Variants in FGF14 observed in about 807,000 individuals in gnomAD.
FGF14 encodes fibroblast growth factor homologous factor 4.
In FGF14, 5 loss-of-function variants were observed where a neutral mutation model predicts 25.5. The observed-to-expected ratio is 0.20, with a 90% CI of 0.10 to 0.41. The LOEUF is 0.41. Among genes scored for constraint, FGF14 ranks in the 10% least tolerant of loss-of-function variants. The probability of loss-of-function intolerance (pLI) is 1.00; values close to 1 mark genes in which losing one functional copy is unlikely to be tolerated. For synonymous variants in FGF14, 138 were observed against 118.3 expected (o/e 1.17, Z -1.08); for missense variants, 222 against 320.1 (o/e 0.69, Z 2.34).
intron 3 of FGF14, among the ~76,000 whole-genome samples, chr13:101,811,128 T>C (rs2041488427): frequency 6.8e-6 from 1 of 146,358 alleles, no homozygotes; most frequent in East Asian, 2.1e-4. Flanking sequence ...TCAGCCAAAG[T>C]CTATCCCTTA....
At chr13:102,379,450 GTA>G (rs547765941) in intron 1 of FGF14, among the ~76,000 whole-genome samples, 295 of 149,122 alleles carry the variant, frequency 2.0e-3, no homozygotes, top group African/African-American at 6.6e-3. Flanking sequence ...ATATGTGTAT[GTA>G]TATATATATA....
At chr13:102,228,505 T>C (rs9557840) in intron 1 of FGF14, among the ~76,000 whole-genome samples, 7,121 of 152,256 alleles carry the variant, frequency 0.047, 285 homozygotes, top group East Asian at 0.22. Flanking sequence ...TTCCTTGAGA[T>C]TGAAAACAAT....
chr13:102,159,951 G>A (rs2047546325), intron 1 of FGF14, among the ~76,000 whole-genome samples: 2 of 152,146 alleles, frequency 1.3e-5, no homozygotes, highest in African/African-American at 4.8e-5. Context: ...AATATGCTAT[G>A]TCAAATCCTT....
At chr13:102,185,763 A>G (rs573570586) in intron 1 of FGF14, among the ~76,000 whole-genome samples, 2 of 152,302 alleles carry the variant, frequency 1.3e-5, no homozygotes, top group Admixed American at 1.3e-4. Flanking sequence ...TATGATTGGC[A>G]CAATTCACTC....
chr13:102,207,819 G>A (rs1169485534), intron 1 of FGF14, among the ~76,000 whole-genome samples: 1 of 151,984 alleles, frequency 6.6e-6, no homozygotes, highest in Non-Finnish European at 1.5e-5. Flanking sequence ...AAGGTTAAAT[G>A]ATCTGTTCAT....
Position 102,379,061 on chromosome 13 carries a change from G to A in FGF14, c.208+22410C>T, listed in dbSNP as rs1282236865. Reference sequence around the variant, plus strand: ...AGATTGAGCTTTTTCATTCATTCTGGAGGACACTGTCTATTAAAGGGAAAT... The same window carrying A: ...AGATTGAGCTTTTTCATTCATTCTGAAGGACACTGTCTATTAAAGGGAAAT... On this transcript the variant is annotated intron_variant, in intron 1 of 4. Coordinates refer to the FGF14 transcript ENST00000376131. 2.0e-5 allele frequency among the ~76,000 whole-genome samples: 3 copies of A among 152,202 alleles called. No homozygotes were observed. The South Asian group carries it at 6.2e-4, about 32-fold the overall frequency.
intron 1 of FGF14, among the ~76,000 whole-genome samples, chr13:102,027,556 A>G (rs1421948221): frequency 7.2e-5 from 11 of 152,118 alleles, no homozygotes; most frequent in Non-Finnish European, 1.3e-4. Flanking sequence ...CTTATTCCAC[A>G]CATAAAAGAA....
At chr13:101,893,204 T>C (rs573696726) in intron 1 of FGF14, among the ~76,000 whole-genome samples, 1 of 152,306 alleles carries the variant, frequency 6.6e-6, no homozygotes, top group African/African-American at 2.4e-5. Context: ...AGTCTCTGCA[T>C]CTTTTCAAAT....
chr13:101,910,657 G>A (rs2139070862), intron 1 of FGF14, among the ~76,000 whole-genome samples: 1 of 152,176 alleles, frequency 6.6e-6, no homozygotes, highest in South Asian at 2.1e-4. Context: ...ATGCCTACTG[G>A]TATACTGTCA....
intron 1 of FGF14, among the ~76,000 whole-genome samples, chr13:102,178,305 T>A (rs2048528177): frequency 6.6e-6 from 1 of 152,164 alleles, no homozygotes; most frequent in African/African-American, 2.4e-5. Flanking sequence ...CAATGGCTAC[T>A]AAAAACTGAC....
chr13:102,061,252 T>G (rs961468824), intron 1 of FGF14, among the ~76,000 whole-genome samples: 3 of 152,206 alleles, frequency 2.0e-5, no homozygotes, highest in Non-Finnish European at 4.4e-5. Context: ...CTGAGCTGAT[T>G]AAGACAAACC....
At chr13:102,189,197 A>G (rs980420819) in intron 1 of FGF14, among the ~76,000 whole-genome samples, 1 of 152,172 alleles carries the variant, frequency 6.6e-6, no homozygotes, top group Non-Finnish European at 1.5e-5. Context: ...AGACTAGATC[A>G]TAGAAGAAAA....
intron 1 of FGF14, among the ~76,000 whole-genome samples, chr13:102,333,778 A>C (rs2056706023): frequency 6.6e-6 from 1 of 152,144 alleles, no homozygotes; most frequent in Admixed American, 6.6e-5. Flanking sequence ...AAGAAAAAAG[A>C]GGTATTTGGT....
intron 1 of FGF14, among the ~76,000 whole-genome samples, chr13:102,332,519 T>A (rs570001229): frequency 6.6e-6 from 1 of 152,252 alleles, no homozygotes; most frequent in East Asian, 1.9e-4. Flanking sequence ...GCCATGTTTG[T>A]AAAACTAGGA....
chr13:102,333,297 C>G (rs2056688715), intron 1 of FGF14, among the ~76,000 whole-genome samples: 1 of 152,122 alleles, frequency 6.6e-6, no homozygotes, highest in Non-Finnish European at 1.5e-5. Context: ...TGATTTATAA[C>G]TAGAAAATCA....
rs1217744741 is a variant in FGF14 at position 102,226,026 on chromosome 13, C to CATTGACATTGA, written c.208+175434_208+175444dup. Among the ~76,000 whole-genome samples, 21 of 152,324 alleles carry CATTGACATTGA rather than the reference C, an allele frequency of 1.4e-4. No homozygotes were observed. In the East Asian group the frequency reaches 3.5e-3, roughly 25 times the overall value. ...TCTTGGCAACTTCAGTTGACATCGA[C>CATTGACATTGA]ATTGACATTGAATTGACATTGGGTT... On this transcript the variant is annotated intron_variant, in intron 1 of 4. Coordinates refer to the FGF14 transcript ENST00000376131.
At chr13:102,325,238 AT>A (rs1204845735) in intron 1 of FGF14, among the ~76,000 whole-genome samples, 54 of 150,914 alleles carry the variant, frequency 3.6e-4, no homozygotes, top group East Asian at 1.6e-3. Flanking sequence ...TAAACCTGGA[AT>A]TTTTTTTTTC....
intron 1 of FGF14, among the ~76,000 whole-genome samples, chr13:102,036,722 G>GAACAAC (rs1013778402): frequency 1.3e-5 from 2 of 151,898 alleles, no homozygotes; most frequent in Non-Finnish European, 2.9e-5. Flanking sequence ...AGAAAAAGAA[G>GAACAAC]AACAACAACA....
intron 1 of FGF14, among the ~76,000 whole-genome samples, chr13:101,972,576 C>T (rs1012458987): frequency 2.0e-5 from 3 of 152,186 alleles, no homozygotes; most frequent in African/African-American, 7.2e-5. Flanking sequence ...GTTTCTCTTT[C>T]CTCACTTTCA....
Sources: gnomAD v4.1 joint callset for allele counts (sites outside exome capture counted in the v4.1 genomes callset) on GRCh38, gnomAD v4.1.1 for gene constraint, MANE v1.5 for transcripts, NCBI Gene and HGNC (gene_info 2026-07-23, HGNC 2026-07-21) for gene names.